The following NKAIN2 variants were observed in gnomAD, a reference collection of about 807,000 sequenced individuals.
The protein encoded by NKAIN2 is sodium/potassium transporting ATPase interacting 2, also known as sodium/potassium-transporting ATPase subunit beta-1-interacting protein 2.
Under a neutral mutation model 32.6 loss-of-function variants are expected in NKAIN2, and 14 were observed. The observed-to-expected ratio is 0.43, with a 90% CI of 0.28 to 0.67. The LOEUF (loss-of-function observed/expected upper bound fraction) is 0.67. Among genes scored for constraint, NKAIN2 ranks in the 30% least tolerant of loss-of-function variants. The probability of loss-of-function intolerance (pLI) is 0.17; values close to 1 mark genes in which losing one functional copy is unlikely to be tolerated. For missense variants in NKAIN2, 198 were observed against 258.3 expected (o/e 0.77, Z 1.60); for synonymous variants, 80 against 87.2 (o/e 0.92, Z 0.46).
rs3052704 is a variant in NKAIN2, at chr6:124,389,715, T to TTG, written c.273+34403_273+34404dup. 9.6e-3 allele frequency among the ~76,000 whole-genome samples: 1,356 copies of TTG among 141,978 alleles called. 14 individuals carry two copies. Among genetic ancestry groups the TTG allele is most frequent in the Middle Eastern group, 0.021 (6 of 280 alleles). 93.1% of individuals were successfully genotyped at this position (141,978 alleles called of 152,430 possible). On this transcript the variant is annotated intron_variant, in intron 3 of 6. Transcript: ENST00000368417. The stretch of plus-strand genomic sequence containing the variant: ...CTCCTTTCCTCATCTCTGTGTACAT[T>TTG]TGTGTGTGTGTGTGTGTGTGTGTGT...
intron 1 of NKAIN2, among the ~76,000 whole-genome samples, chr6:124,050,099 G>A (rs575993509): frequency 6.6e-6 from 1 of 152,094 alleles, no homozygotes; most frequent in East Asian, 1.9e-4. Context: ...TCCACTGTGG[G>A]TCTTAAAACA....
chr6:124,266,135 A>G (rs180999272), intron 1 of NKAIN2, among the ~76,000 whole-genome samples: 7 of 152,334 alleles, frequency 4.6e-5, no homozygotes, highest in Non-Finnish European at 1.5e-5. Context: ...CCTGTGACCC[A>G]TAATACTCAT....
chr6:124,461,491 T>G (rs1776529564), intron 3 of NKAIN2, among the ~76,000 whole-genome samples: 1 of 151,750 alleles, frequency 6.6e-6, no homozygotes, highest in African/African-American at 2.4e-5. Flanking sequence ...CCTTCTTAAT[T>G]ACTTTTAGAA....
chr6:124,737,787 A>G (rs1583764787), intron 4 of NKAIN2, among the ~76,000 whole-genome samples: 1 of 151,992 alleles, frequency 6.6e-6, no homozygotes, highest in African/African-American at 2.4e-5. Flanking sequence ...GTGATGAGGA[A>G]CTTGTTGAGA....
At chr6:124,291,352 C>CT (rs79746290) in intron 2 of NKAIN2, among the ~76,000 whole-genome samples, 5 of 151,514 alleles carry the variant, frequency 3.3e-5, no homozygotes, top group Admixed American at 6.6e-5. Context: ...ATTGTGTAGT[C>CT]TTTTTTTTAT....
chr6:124,287,549 C>G lies in NKAIN2; in HGVS notation c.192+4407C>G, dbSNP rs547433161. ...CTGTCACTTTGCAGAATATAGTATG[C>G]TGAAGGAAAATGAAATAGATGTTTT... On this transcript the variant is annotated intron_variant, in intron 2 of 6. Coordinates refer to ENST00000368417, the MANE Select transcript of NKAIN2 (RefSeq NM_001040214.3). Among the ~76,000 whole-genome samples, 89 of 152,094 alleles carry G rather than the reference C, an allele frequency of 5.9e-4. No individual in the cohort carries two copies. The Middle Eastern group carries it at 0.01, about 17-fold the overall frequency.
At chr6:124,406,179 C>G (rs1045402743) in intron 3 of NKAIN2, among the ~76,000 whole-genome samples, 4 of 152,188 alleles carry the variant, frequency 2.6e-5, no homozygotes, top group African/African-American at 9.6e-5. Context: ...TAAATATATT[C>G]CTCACCATTG....
chr6:124,275,150 G>A (rs533350129), intron 1 of NKAIN2, among the ~76,000 whole-genome samples: 257 of 152,176 alleles, frequency 1.7e-3, no homozygotes, highest in African/African-American at 6.1e-3. Flanking sequence ...ATGAACAGCT[G>A]TGAGAAATAA....
chr6:124,351,263 T>C (rs2115129007), intron 2 of NKAIN2, among the ~76,000 whole-genome samples: 1 of 152,098 alleles, frequency 6.6e-6, no homozygotes, highest in African/African-American at 2.4e-5. Flanking sequence ...TCAGTTAATA[T>C]GAGAAGTTTG....
intron 3 of NKAIN2, among the ~76,000 whole-genome samples, chr6:124,359,400 A>G (rs1426133884): frequency 6.6e-6 from 1 of 152,178 alleles, no homozygotes; most frequent in African/African-American, 2.4e-5. Context: ...CTTCTTACGC[A>G]TGAGCATGGA....
At chr6:123,908,338 G>A (rs971860901) in intron 1 of NKAIN2, among the ~76,000 whole-genome samples, 2 of 152,116 alleles carry the variant, frequency 1.3e-5, no homozygotes, top group Admixed American at 6.5e-5. Context: ...TATTTTTACA[G>A]AATACTATGA....
rs373623032 is a variant in NKAIN2, at chr6:124,413,456, C to A, written c.273+58109C>A. On this transcript the variant is annotated intron_variant, in intron 3 of 6. Coordinates refer to ENST00000368417, the MANE Select transcript of NKAIN2 (RefSeq NM_001040214.3). ...TATCAATACCACGCTGTATTGATTT[C>A]TGTAACTTTTTATTGAAATCAGATG... is the stretch of plus-strand genomic sequence containing the variant. 4.7e-3 allele frequency among the ~76,000 whole-genome samples: 714 copies of A among 152,202 alleles called. 5 individuals carry two copies. Among genetic ancestry groups the A allele is most frequent in the African/African-American group, 0.016 (671 of 41,528 alleles).
intron 1 of NKAIN2, among the ~76,000 whole-genome samples, chr6:124,274,242 T>C (rs1221886676): frequency 6.6e-6 from 1 of 152,210 alleles, no homozygotes. Flanking sequence ...TACTGTGAAC[T>C]AGTCTGTACT....
At chr6:124,554,210 A>G (rs1039328457) in intron 3 of NKAIN2, among the ~76,000 whole-genome samples, 2 of 152,222 alleles carry the variant, frequency 1.3e-5, no homozygotes, top group Admixed American at 6.5e-5. Flanking sequence ...TCCTGGAGGT[A>G]CGTTTCACAG....
At chr6:124,429,299 C>T (rs1299150552) in intron 3 of NKAIN2, among the ~76,000 whole-genome samples, 1 of 152,058 alleles carries the variant, frequency 6.6e-6, no homozygotes, top group Non-Finnish European at 1.5e-5. Context: ...TCACCTGCCT[C>T]AGCCTCCCAA....
chr6:123,855,637 G>T (rs1024082513), intron 1 of NKAIN2, among the ~76,000 whole-genome samples: 2 of 152,194 alleles, frequency 1.3e-5, no homozygotes, highest in Non-Finnish European at 2.9e-5. Flanking sequence ...ACCCTTATGT[G>T]CTGCACATGC....
At position 123,950,694 on chromosome 6, in the gene NKAIN2, G is replaced by A. The variant is rs575854210; in HGVS notation, c.54+146440G>A. 9.1e-4 allele frequency among the ~76,000 whole-genome samples: 138 copies of A among 151,390 alleles called. No homozygotes were observed. The Middle Eastern group carries it at 0.017, about 19-fold the overall frequency. Reference sequence around the variant, plus strand: ...TTGAGTCTTCTTTTTTCCTTGGTTCGACTAGCTCCAAGTTTTTCAATTTTG... The same window carrying A: ...TTGAGTCTTCTTTTTTCCTTGGTTCAACTAGCTCCAAGTTTTTCAATTTTG... On this transcript the variant is annotated intron_variant, in intron 1 of 6. Coordinates refer to ENST00000368417, the MANE Select transcript of NKAIN2 (RefSeq NM_001040214.3).
intron 3 of NKAIN2, among the ~76,000 whole-genome samples, chr6:124,480,586 G>GTATTATTAT (rs60818370): frequency 1.5e-3 from 228 of 149,406 alleles, no homozygotes; most frequent in African/African-American, 5.4e-3. Context: ...AGATGTTGAG[G>GTATTATTAT]TATTATTATT....
chr6:124,010,722 A>G (rs1780286155), intron 1 of NKAIN2, among the ~76,000 whole-genome samples: 1 of 151,922 alleles, frequency 6.6e-6, no homozygotes, highest in African/African-American at 2.4e-5. Flanking sequence ...GGAAGGTTAG[A>G]CTGAAACATA....
Sources: gnomAD v4.1 joint callset for allele counts (sites outside exome capture counted in the v4.1 genomes callset) on GRCh38, gnomAD v4.1.1 for gene constraint, MANE v1.5 for transcripts, NCBI Gene and HGNC (gene_info 2026-07-23, HGNC 2026-07-21) for gene names.